Variants in RFX4 observed in about 807,000 individuals in gnomAD.
RFX4 encodes transcription factor RFX4.
Under a neutral mutation model 95.0 loss-of-function variants are expected in RFX4, and 10 were observed. The ratio of observed to expected loss-of-function variants is 0.11; its 90% CI spans 0.06 to 0.18. The LOEUF is 0.18. Among genes scored for constraint, RFX4 ranks in the 10% least tolerant of loss-of-function variants. The pLI is 1.00. For synonymous variants in RFX4, 321 were observed against 340.7 expected (o/e 0.94, Z 0.64); for missense variants, 640 against 922.0 (o/e 0.69, Z 3.96).
At chr12:106,737,769 G>C (rs2042739043) in intron 15 of RFX4, among the ~76,000 whole-genome samples, 2 of 152,202 alleles carry the variant, frequency 1.3e-5, no homozygotes, top group African/African-American at 4.8e-5. Context: ...AATGGCATTA[G>C]ATCAAGCTTT....
chr12:106,722,694 T>G (rs1172209994), intron 13 of RFX4, among the ~76,000 whole-genome samples: 9 of 152,056 alleles, frequency 5.9e-5, no homozygotes, highest in Admixed American at 3.3e-4. Flanking sequence ...CCTGAGTGGG[T>G]TGAAATAATA....
chr12:106,640,026 C>T (rs1407273170), intron 3 of RFX4, among the ~76,000 whole-genome samples: 6 of 152,012 alleles, frequency 3.9e-5, no homozygotes, highest in South Asian at 2.1e-4. Context: ...GCAGTGCAGC[C>T]GAGCAATATG....
chr12:106,750,476 C>CAAA (rs374736367), intron 16 of RFX4, among the ~76,000 whole-genome samples, 179 bp from the exon 17 acceptor site: 1 of 49,378 alleles, frequency 2.0e-5, no homozygotes, highest in Non-Finnish European at 4.5e-5. Flanking sequence ...GACCCTGACT[C>CAAA]AAAAAAAAAA....
chr12:106,669,147 C>T (rs943820083), intron 4 of RFX4, among the ~76,000 whole-genome samples: 3 of 152,172 alleles, frequency 2.0e-5, no homozygotes, highest in African/African-American at 7.2e-5. Context: ...GATGCAATCC[C>T]TTCACTTTCC....
At position 106,720,112 on chromosome 12, in the gene RFX4, TG is replaced by T; in HGVS notation, c.1233+59del. 3 of 1,439,398 alleles carry T rather than the reference TG, an allele frequency of 2.1e-6. No individual in the cohort carries two copies. Among genetic ancestry groups the T allele is most frequent in the Non-Finnish European group, 2.9e-6 (3 of 1,022,662 alleles). 89.2% of individuals were successfully genotyped at this position (1,439,398 alleles called of 1,614,324 possible). ...GGCCCTGCAGCCCACCACTGCCCTC[TG>T]TGAACTTGGCCAAGACAAAGCCCTA... On this transcript the variant is annotated intron_variant, in intron 12 of 17. Coordinates refer to ENST00000392842, the MANE Select transcript of RFX4 (RefSeq NM_213594.3). The surrounding 1 kb of genome is among the most constrained non-coding windows in gnomAD (Gnocchi z 4.2).
intron 8 of RFX4, among the ~76,000 whole-genome samples, chr12:106,699,259 G>C (rs1232935785): frequency 6.6e-6 from 1 of 151,922 alleles, no homozygotes; most frequent in African/African-American, 2.4e-5. Context: ...ATTCCCTTCT[G>C]GTCATATTAT....
intron 13 of RFX4, among the ~76,000 whole-genome samples, chr12:106,725,937 A>G (rs1336719219): frequency 2.0e-5 from 3 of 152,154 alleles, no homozygotes; most frequent in Non-Finnish European, 4.4e-5. Flanking sequence ...ATGAAAATCA[A>G]TATTTCAAAG....
intron 1 of RFX4, chr12:106,601,225 C>T: frequency 3.9e-6 from 6 of 1,550,484 alleles, no homozygotes; most frequent in Non-Finnish European, 5.2e-6. Context: ...CTGTGTGTCG[C>T]CACTGCCACC....
chr12:106,646,759 A>G (rs1398425932), intron 3 of RFX4, among the ~76,000 whole-genome samples: 3 of 152,176 alleles, frequency 2.0e-5, no homozygotes, highest in Admixed American at 6.5e-5. Context: ...AAGGCAGGAC[A>G]GCTACCTGTA....
intron 7 of RFX4, among the ~76,000 whole-genome samples, chr12:106,693,713 T>C (rs1467312110): frequency 6.6e-6 from 1 of 152,082 alleles, no homozygotes; most frequent in African/African-American, 2.4e-5. Flanking sequence ...CCACCGGGTG[T>C]CTCAGTGACA....
intron 2 of RFX4, among the ~76,000 whole-genome samples, chr12:106,630,796 G>T (rs1228994090): frequency 2.0e-5 from 3 of 152,176 alleles, no homozygotes; most frequent in Non-Finnish European, 4.4e-5. Flanking sequence ...GAAATATTCT[G>T]GAATAGATTC....
At position 106,696,028 on chromosome 12, in the gene RFX4, GC is replaced by G. The variant is rs75012454; in HGVS notation, c.670-254del. 8.7e-3 allele frequency among the ~76,000 whole-genome samples: 1,322 copies of G among 152,332 alleles called. 72 individuals are homozygous for G. The East Asian group carries it at 0.16, about 19-fold the overall frequency. On this transcript the variant is annotated intron_variant, in intron 7 of 17. Transcript: ENST00000392842. Reference sequence around the variant, plus strand: ...GGGTGAAAGTGCTTCATCTTTTGGGGCAGAGGAGACCCCAGCCTGCCAGGCT... The same window carrying G: ...GGGTGAAAGTGCTTCATCTTTTGGGGAGAGGAGACCCCAGCCTGCCAGGCT...
At chr12:106,723,483 TC>T (rs1403372707) in intron 13 of RFX4, among the ~76,000 whole-genome samples, 1 of 152,192 alleles carries the variant, frequency 6.6e-6, no homozygotes, top group Non-Finnish European at 1.5e-5. Flanking sequence ...TAATAATAGT[TC>T]CCGGAAGTAC....
chr12:106,597,327 G>T (rs1304686490), intron 1 of RFX4, among the ~76,000 whole-genome samples: 3 of 152,056 alleles, frequency 2.0e-5, no homozygotes, highest in Admixed American at 6.6e-5. Context: ...TTAGTCAATT[G>T]TAAGGGGAGG....
At chr12:106,688,064 CTTTTTTT>C (rs754808212) in intron 6 of RFX4, among the ~76,000 whole-genome samples, 10 of 96,250 alleles carry the variant, frequency 1.0e-4, no homozygotes, top group African/African-American at 2.8e-4. Flanking sequence ...TATCACATTT[CTTTTTTT>C]TTTTTTTTTT....
intron 6 of RFX4, among the ~76,000 whole-genome samples, chr12:106,687,424 G>A (rs1018563032): frequency 5.3e-5 from 8 of 151,754 alleles, no homozygotes; most frequent in Non-Finnish European, 4.4e-5. Context: ...TGTGGAGGTG[G>A]GCACCTGTAA....
chr12:106,691,479 T>C (rs2041782273), intron 7 of RFX4, among the ~76,000 whole-genome samples: 1 of 152,204 alleles, frequency 6.6e-6, no homozygotes, highest in Non-Finnish European at 1.5e-5. Context: ...CACAGAATAA[T>C]GAAGGGAGAC....
intron 13 of RFX4, among the ~76,000 whole-genome samples, chr12:106,730,359 G>C (rs981647046): frequency 2.0e-5 from 3 of 152,194 alleles, no homozygotes; most frequent in Admixed American, 6.5e-5. Context: ...CCCTGTAGGG[G>C]CCAAGTCACT....
chr12:106,704,065 CAAAA>C (rs34213070), intron 8 of RFX4, among the ~76,000 whole-genome samples: 2 of 40,960 alleles, frequency 4.9e-5, no homozygotes, highest in Admixed American at 3.1e-4. Context: ...GACACTGTCT[CAAAA>C]AAAAAAAAAA....
Sources: gnomAD v4.1 joint callset for allele counts (sites outside exome capture counted in the v4.1 genomes callset) on GRCh38, gnomAD v4.1.1 for gene constraint, Gnocchi (gnomAD v3.1) non-coding constraint, MANE v1.5 for transcripts, NCBI Gene and HGNC (gene_info 2026-07-23, HGNC 2026-07-21) for gene names.